HTR4: variants seen among roughly 807,000 people sequenced by gnomAD.
HTR4 encodes 5-hydroxytryptamine (serotonin) receptor 4, G protein-coupled.
In HTR4, 16 loss-of-function variants were observed where a neutral mutation model predicts 36.8. The observed-to-expected ratio is 0.43, with a 90% confidence interval of 0.29 to 0.66. The LOEUF (loss-of-function observed/expected upper bound fraction) is 0.66. Ranked by LOEUF, HTR4 falls within the 30% of genes least tolerant of loss-of-function variation. The pLI is 0.13. For missense variants in HTR4, 438 were observed against 490.9 expected, an observed-to-expected ratio of 0.89 and a Z score of 1.02; for synonymous variants, 189 against 185.1, an observed-to-expected ratio of 1.02 and a Z score of -0.17.
chr5:148,465,225 T>G (rs1755394902), intron 5 of HTR4, among the ~76,000 whole-genome samples: 2 of 152,090 alleles, frequency 1.3e-5, no homozygotes, highest in Non-Finnish European at 2.9e-5. Context: ...TAATGTAAAC[T>G]ATGGACTCAG....
intron 2 of HTR4, among the ~76,000 whole-genome samples, chr5:148,615,708 G>A (rs79441862): frequency 0.03 from 4,370 of 145,466 alleles, 128 homozygotes; most frequent in South Asian, 0.085. Flanking sequence ...AAGAAAGAAA[G>A]AAATAAAATA....
chr5:148,598,636 C>T (rs577520463), intron 2 of HTR4, among the ~76,000 whole-genome samples: 2 of 152,164 alleles, frequency 1.3e-5, no homozygotes, highest in Admixed American at 6.5e-5. Context: ...GACCTTCAAG[C>T]CATGAAGTCT....
At chr5:148,453,506 G>A (rs753247487) in intron 5 of HTR4, among the ~76,000 whole-genome samples, 1 of 152,188 alleles carries the variant, frequency 6.6e-6, no homozygotes, top group Admixed American at 6.5e-5. Context: ...GTGAGAAACT[G>A]AGGCATGTGC....
intron 5 of HTR4, among the ~76,000 whole-genome samples, chr5:148,515,556 G>T (rs1368385): frequency 0.16 from 23,933 of 152,002 alleles, 3,395 homozygotes; most frequent in African/African-American, 0.37. Flanking sequence ...GCCTGAAAAC[G>T]TCTTAATATC....
chr5:148,540,440 ATATATATAAT>A (rs1759061799), intron 4 of HTR4, among the ~76,000 whole-genome samples: 1 of 126,038 alleles, frequency 7.9e-6, no homozygotes, highest in Non-Finnish European at 1.7e-5. Flanking sequence ...ATATATATAT[ATATATATAAT>A]CTTATATATA....
intron 6 of HTR4, among the ~76,000 whole-genome samples, chr5:148,499,480 A>G (rs970810167): frequency 1.3e-5 from 2 of 152,172 alleles, no homozygotes; most frequent in South Asian, 4.1e-4. Context: ...TGAATTTTAC[A>G]GTTATTTTTA....
chr5:148,622,381 C>G (rs1340745907), intron 2 of HTR4, among the ~76,000 whole-genome samples: 1 of 152,192 alleles, frequency 6.6e-6, no homozygotes, highest in African/African-American at 2.4e-5. Context: ...ACTTTGTCTT[C>G]AAATCCCAGC....
At chr5:148,596,339 C>G (rs1202176157) in intron 2 of HTR4, among the ~76,000 whole-genome samples, 1 of 152,132 alleles carries the variant, frequency 6.6e-6, no homozygotes, top group Admixed American at 6.5e-5. Flanking sequence ...AGAAGCAAAC[C>G]TCAAATTTGG....
At chr5:148,507,281 A>C (rs1393287418) in intron 6 of HTR4, among the ~76,000 whole-genome samples, 1 of 149,332 alleles carries the variant, frequency 6.7e-6, no homozygotes, top group Non-Finnish European at 1.5e-5. Flanking sequence ...AGGAGAAAAA[A>C]CCAAACGCCG....
At chr5:148,576,141 A>G (rs1431108173) in intron 2 of HTR4, among the ~76,000 whole-genome samples, 1 of 145,954 alleles carries the variant, frequency 6.9e-6, no homozygotes, top group Non-Finnish European at 1.5e-5. Flanking sequence ...AAACAAAATC[A>G]ATGTAAAAAA....
At chr5:148,569,431 T>A (rs894055910) in intron 2 of HTR4, among the ~76,000 whole-genome samples, 4 of 152,066 alleles carry the variant, frequency 2.6e-5, no homozygotes, top group Non-Finnish European at 4.4e-5. Context: ...GATGAGTTGA[T>A]AGGTGCAGCA....
At chr5:148,575,682 A>T (rs1428328870) in intron 2 of HTR4, among the ~76,000 whole-genome samples, 1 of 152,138 alleles carries the variant, frequency 6.6e-6, no homozygotes, top group Non-Finnish European at 1.5e-5. Context: ...TTAATAGAAT[A>T]ATCAAAAAAT....
intron 1 of HTR4, chr5:148,646,120 C>G (rs1040921204): frequency 4.6e-5 from 7 of 152,228 alleles, no homozygotes; most frequent in Non-Finnish European, 8.8e-5. Context: ...CTGCCACATT[C>G]AAAGCATTTT....
rs1191753650 is a variant in HTR4 at position 148,654,320 on chromosome 5, G to A, written c.-306C>T. ...CCGCGCATCGTCCTTCTCCCCAACC[G>A]AGCCGGACTCCACGGGCTCAACAGC... On this transcript the variant is annotated 5_prime_UTR_variant, in exon 1 of 7. Transcript: ENST00000377888. 105 of 984,742 alleles carry A rather than the reference G, an allele frequency of 1.1e-4. No homozygotes were observed. Among genetic ancestry groups the A allele is most frequent in the Non-Finnish European group, 1.3e-4 (104 of 829,482 alleles). The allele number at this position is 984,742 out of a possible 1,614,324, so 61.0% of individuals were successfully genotyped here.
chr5:148,480,769 A>G (rs1755853284), downstream of HTR4, among the ~76,000 whole-genome samples: 1 of 152,186 alleles, frequency 6.6e-6, no homozygotes, highest in Non-Finnish European at 1.5e-5. Flanking sequence ...TTCTTTATCA[A>G]CATAGAAACT....
At chr5:148,539,842 T>C (rs1581445733) in intron 4 of HTR4, among the ~76,000 whole-genome samples, 1 of 152,228 alleles carries the variant, frequency 6.6e-6, no homozygotes, top group African/African-American at 2.4e-5. Flanking sequence ...AGCAGAACTA[T>C]CATTCAACCC....
chr5:148,495,401 T>G (rs1756640262), intron 6 of HTR4, among the ~76,000 whole-genome samples: 1 of 152,212 alleles, frequency 6.6e-6, no homozygotes, highest in African/African-American at 2.4e-5. Flanking sequence ...GTCCCTTTTC[T>G]GCCCTCAGTT....
intron 2 of HTR4, among the ~76,000 whole-genome samples, chr5:148,584,170 G>A (rs1246022370): frequency 6.6e-6 from 1 of 152,122 alleles, no homozygotes; most frequent in Non-Finnish European, 1.5e-5. Flanking sequence ...CTTTTCAAAT[G>A]TCAATCCTTA....
chr5:148,520,811 TA>T (rs1185695659), intron 5 of HTR4: 5 of 1,242,188 alleles, frequency 4.0e-6, no homozygotes, highest in Non-Finnish European at 5.4e-6. Context: ...ACTGACAGTT[TA>T]AAATAAATTG....
Sources: allele counts gnomAD v4.1 joint callset (sites outside exome capture counted in the v4.1 genomes callset), GRCh38; gene constraint gnomAD v4.1.1; transcripts MANE v1.5; gene names NCBI Gene and HGNC (gene_info 2026-07-23, HGNC 2026-07-21).